EPHA3: variants seen among roughly 807,000 people sequenced by gnomAD.
The protein encoded by EPHA3 is EPH receptor A3, also known as ephrin type-A receptor 3.
Under a neutral mutation model 107.1 loss-of-function variants are expected in EPHA3, and 42 were observed. That is an observed-to-expected ratio of 0.39 (90% CI 0.31 to 0.51). The LOEUF (loss-of-function observed/expected upper bound fraction) is 0.51, where lower values mean the gene tolerates loss of function less well. Among genes scored for constraint, EPHA3 ranks in the 20% least tolerant of loss-of-function variants. EPHA3 has a pLI of 0.78. For missense variants in EPHA3, 1,183 were observed against 1,211.2 expected (o/e 0.98, Z 0.35); for synonymous variants, 461 against 424.8 (o/e 1.09, Z -1.05).
chr3:89,293,491 C>T (rs1164162901), intron 3 of EPHA3, among the ~76,000 whole-genome samples: 1 of 152,126 alleles, frequency 6.6e-6, no homozygotes, highest in African/African-American at 2.4e-5. Flanking sequence ...CATACACCCT[C>T]TGTGATATAG....
chr3:89,215,988 C>A (rs1704215585), intron 3 of EPHA3, among the ~76,000 whole-genome samples: 1 of 151,886 alleles, frequency 6.6e-6, no homozygotes, highest in Non-Finnish European at 1.5e-5. Flanking sequence ...GTATCAAGTT[C>A]TTTTCATTAA....
rs2107582874 is a variant in EPHA3, at chr3:89,480,793, T to G, written c.*1291T>G. On this transcript the variant is annotated 3_prime_UTR_variant, in exon 17 of 17. Coordinates refer to ENST00000336596, the MANE Select transcript of EPHA3 (RefSeq NM_005233.6). ...CATTAGTACCAGGTATTATTATCTT[T>G]AAGAGTCTTCCACTTCAATGCACAT... 1 of 232,598 alleles carries G rather than the reference T, an allele frequency of 4.3e-6. No homozygotes were observed. Among genetic ancestry groups the G allele is most frequent in the South Asian group, 1.8e-4 (1 of 5,524 alleles). 14.4% of individuals were successfully genotyped at this position (232,598 alleles called of 1,614,324 possible). A position where few individuals can be genotyped will look rare whatever the true frequency, so the allele number is the denominator to read the frequency against.
chr3:89,213,897 T>C (rs1704165356), intron 3 of EPHA3, among the ~76,000 whole-genome samples: 1 of 152,012 alleles, frequency 6.6e-6, no homozygotes. Context: ...CTATTTCCTC[T>C]TTGCCTTTAG....
chr3:89,403,430 A>G (rs1225533493), intron 7 of EPHA3, among the ~76,000 whole-genome samples: 1 of 152,196 alleles, frequency 6.6e-6, no homozygotes, highest in Non-Finnish European at 1.5e-5. Context: ...ATATGTAGTC[A>G]GATGGGGCAA....
At chr3:89,276,231 C>A (rs970998321) in intron 3 of EPHA3, among the ~76,000 whole-genome samples, 34 of 152,160 alleles carry the variant, frequency 2.2e-4, no homozygotes, top group African/African-American at 7.2e-4. Flanking sequence ...AATATGTCAA[C>A]CTTTTAAAGA....
chr3:89,291,408 G>A (rs1706203594), intron 3 of EPHA3, among the ~76,000 whole-genome samples: 1 of 152,008 alleles, frequency 6.6e-6, no homozygotes, highest in African/African-American at 2.4e-5. Flanking sequence ...CAGTATTTTG[G>A]ATTTCAAAGT....
rs2107537297 is a variant in EPHA3 at position 89,431,342 on chromosome 3, G to A, written c.2329G>A (p.Ala777Thr). ...LSRVLEDDPE[A>T]AYTTRGGKIP... ...GCGTGTCCTGGAGGATGACCCAGAA[G>A]CTGCTTATACAACAAGAGTGAGTAA... Residue 777 changes from alanine to threonine, a missense_variant, in exon 13 of 17, where the codon GCT becomes ACT. Physicochemically the swap from Ala to Thr is moderately conservative, Grantham distance 58. Coordinates refer to ENST00000336596, the MANE Select transcript of EPHA3 (RefSeq NM_005233.6). The A allele has an allele frequency of 1.9e-6, 3 of 1,613,590 alleles. No individual in the cohort carries two copies. The highest frequency in any genetic ancestry group is 2.2e-5 in the South Asian group (2 of 91,054).
chr3:89,170,556 GA>G lies in EPHA3; in HGVS notation c.154-39302del, dbSNP rs762723089. On this transcript the variant is annotated intron_variant, in intron 2 of 16. Coordinates refer to ENST00000336596, the MANE Select transcript of EPHA3 (RefSeq NM_005233.6). Reference sequence around the variant, plus strand: ...TGTAGCCAAGGAGTTGATGACATACGAACTAGTTCTTCTACACTTTTCTTCT... The same window carrying G: ...TGTAGCCAAGGAGTTGATGACATACGACTAGTTCTTCTACACTTTTCTTCT... Among the ~76,000 whole-genome samples the G allele has an allele frequency of 2.0e-5, 3 of 152,182 alleles. No individual in the cohort carries two copies. The East Asian group carries it at 5.8e-4, about 30-fold the overall frequency.
intron 3 of EPHA3, among the ~76,000 whole-genome samples, chr3:89,335,302 G>A (rs1204569346): frequency 6.6e-6 from 1 of 152,032 alleles, no homozygotes; most frequent in East Asian, 1.9e-4. Context: ...ATGATAGAAG[G>A]GACAAGGCAG....
chr3:89,477,427 T>A (rs1710538842), intron 16 of EPHA3, among the ~76,000 whole-genome samples: 1 of 152,306 alleles, frequency 6.6e-6, no homozygotes, highest in South Asian at 2.1e-4. Flanking sequence ...AGAGTCTCGG[T>A]TAATTTAATG....
intron 5 of EPHA3, among the ~76,000 whole-genome samples, chr3:89,384,417 C>A (rs969709615): frequency 1.3e-5 from 2 of 152,100 alleles, no homozygotes; most frequent in African/African-American, 4.8e-5. Flanking sequence ...AGAAACTTAA[C>A]TGAATTTAGG....
At chr3:89,120,728 C>A (rs1473438039) in intron 1 of EPHA3, among the ~76,000 whole-genome samples, 1 of 152,138 alleles carries the variant, frequency 6.6e-6, no homozygotes, top group Admixed American at 6.5e-5. Flanking sequence ...CCAAGGAGTT[C>A]CCCCTACTGT....
chr3:89,145,280 G>GAC (rs10670597), intron 2 of EPHA3, among the ~76,000 whole-genome samples: 106,720 of 149,944 alleles, frequency 0.71, 38,082 homozygotes, highest in Admixed American at 0.77. Context: ...TTCACAAACA[G>GAC]ACACACACAC....
intron 2 of EPHA3, among the ~76,000 whole-genome samples, chr3:89,207,100 C>T (rs1330358569): frequency 6.6e-6 from 1 of 152,050 alleles, no homozygotes; most frequent in Non-Finnish European, 1.5e-5. Context: ...AGTTTTTAAA[C>T]TGTGATTGTC....
chr3:89,202,982 A>C (rs1706008186), intron 2 of EPHA3, among the ~76,000 whole-genome samples: 1 of 152,168 alleles, frequency 6.6e-6, no homozygotes, highest in African/African-American at 2.4e-5. Flanking sequence ...TGTGTAAGGC[A>C]TGCCTAGGCC....
rs1264746714 is a variant in EPHA3 at position 89,286,172 on chromosome 3, A to T, written c.815-54744A>T. On this transcript the variant is annotated intron_variant, in intron 3 of 16. Transcript: ENST00000336596. ...TGTGTGTGTGTGTGTTTCCATAAACATCAGTTCTATGGGACCCTTGGGCTG... is the reference window on the plus strand; with the variant it reads ...TGTGTGTGTGTGTGTTTCCATAAACTTCAGTTCTATGGGACCCTTGGGCTG... Among the ~76,000 whole-genome samples, 4 of 150,512 alleles carry T rather than the reference A, an allele frequency of 2.7e-5. No homozygotes were observed. In the Admixed American group the frequency reaches 2.7e-4, roughly 10 times the overall value.
At chr3:89,147,859 C>A (rs1704600671) in intron 2 of EPHA3, among the ~76,000 whole-genome samples, 1 of 151,818 alleles carries the variant, frequency 6.6e-6, no homozygotes, top group Admixed American at 6.6e-5. Flanking sequence ...CAGTAAAAAT[C>A]AGTCAGTTCT....
At chr3:89,470,848 C>T (rs1329864830) in intron 15 of EPHA3, among the ~76,000 whole-genome samples, 1 of 152,166 alleles carries the variant, frequency 6.6e-6, no homozygotes, top group East Asian at 1.9e-4. Flanking sequence ...GATTTAGTTT[C>T]AGCTTCTTTA....
rs1707527912 is a variant in EPHA3, at chr3:89,341,750, T to C, written c.971-5T>C. On this transcript the variant is annotated splice_region_variant and splice_polypyrimidine_tract_variant and intron_variant, in intron 4 of 16. Coordinates refer to ENST00000336596, the MANE Select transcript of EPHA3 (RefSeq NM_005233.6). ...CTCATTAATCTTTGTTGAACTACTTTGCAGGACCTCCATCTTCACCAAGAA... is the reference window on the plus strand; with the variant it reads ...CTCATTAATCTTTGTTGAACTACTTCGCAGGACCTCCATCTTCACCAAGAA... 1 of 1,601,188 alleles carries C rather than the reference T, an allele frequency of 6.2e-7. No individual in the cohort carries two copies. Among genetic ancestry groups the C allele is most frequent in the Middle Eastern group, 1.7e-4 (1 of 5,970 alleles).
Sources: gnomAD v4.1 joint callset for allele counts (sites outside exome capture counted in the v4.1 genomes callset) on GRCh38, gnomAD v4.1.1 for gene constraint, MANE v1.5 for transcripts, NCBI Gene and HGNC (gene_info 2026-07-23, HGNC 2026-07-21) for gene names.